The following SEC14L3 variants were observed in gnomAD, a reference collection of about 807,000 sequenced individuals.
The protein encoded by SEC14L3 is SEC14-like protein 3.
Under a neutral mutation model 57.4 loss-of-function variants are expected in SEC14L3, and 56 were observed. The ratio of observed to expected loss-of-function variants is 0.97; its 90% CI spans 0.79 to 1.22. The LOEUF (loss-of-function observed/expected upper bound fraction) is 1.22, where lower values mean the gene tolerates loss of function less well. Among genes scored for constraint, SEC14L3 ranks in the 50% most tolerant of loss-of-function variants. The pLI, the probability that SEC14L3 is intolerant of heterozygous loss-of-function variation, is 0.00. For missense variants in SEC14L3, 485 were observed against 511.7 expected (o/e 0.95, Z 0.50); for synonymous variants, 173 against 194.4 (o/e 0.89, Z 0.92).
chr22:30,462,062 G>A, intron 9 of SEC14L3, 24 bp downstream of exon 9: 1 of 1,610,672 alleles, frequency 6.2e-7, no homozygotes, highest in Non-Finnish European at 8.5e-7. Flanking sequence ...AACCTCTCTT[G>A]TCCCAGGGAA....
chr22:30,449,003 C>G, exon 13 of SEC14L3: 2 of 1,364,964 alleles, frequency 1.5e-6, no homozygotes, highest in Non-Finnish European at 2.0e-6. Flanking sequence ...CGGTCAGGAG[C>G]CCAAATGGGA....
intron 2 of SEC14L3, 27 bp downstream of exon 2, chr22:30,470,480 C>T (rs1300949322): frequency 1.9e-6 from 3 of 1,613,572 alleles, no homozygotes; most frequent in African/African-American, 2.7e-5. Context: ...GCCCCCTGAT[C>T]CCAACCTCTC....
chr22:30,461,209 G>T, intron 11 of SEC14L3, 101 bp downstream of exon 11: 1 of 1,403,644 alleles, frequency 7.1e-7, no homozygotes, highest in Non-Finnish European at 9.7e-7. Context: ...GTGTGTCCCT[G>T]AATGGGGGAG....
At chr22:30,470,638 G>A in intron 1 of SEC14L3, 56 bp from the exon 2 acceptor site, 1 of 1,611,040 alleles carries the variant, frequency 6.2e-7, no homozygotes, top group Non-Finnish European at 8.5e-7. Context: ...TTGGCCTCCA[G>A]ACTCAAAGAC....
intron 12 of SEC14L3, among the ~76,000 whole-genome samples, chr22:30,450,133 AT>A (rs1934953050): frequency 6.6e-6 from 1 of 152,044 alleles, no homozygotes; most frequent in Non-Finnish European, 1.5e-5. Flanking sequence ...TTGATGGGAA[AT>A]AAATGGGCAC....
chr22:30,468,754 C>G, intron 4 of SEC14L3, 58 bp from the exon 5 acceptor site: 1 of 1,613,486 alleles, frequency 6.2e-7, no homozygotes, highest in Middle Eastern at 1.6e-4. Flanking sequence ...AGACCCCAGA[C>G]CAGGCTGACC....
chr22:30,449,227 C>A (rs1192652298), exon 13 of SEC14L3: 1 of 1,550,508 alleles, frequency 6.4e-7, no homozygotes, highest in Admixed American at 2.0e-5. Flanking sequence ...CAAGACTTCC[C>A]AGACTCACTT....
chr22:30,470,631 G>A (rs1395662425), intron 1 of SEC14L3, 49 bp from the exon 2 acceptor site: 2 of 1,613,116 alleles, frequency 1.2e-6, no homozygotes, highest in African/African-American at 2.7e-5. Context: ...TTGAGCCTTG[G>A]CCTCCAGACT....
intron 11 of SEC14L3, among the ~76,000 whole-genome samples, chr22:30,460,694 T>TA (rs1935225189): frequency 6.6e-6 from 1 of 152,168 alleles, no homozygotes; most frequent in Admixed American, 6.5e-5. Flanking sequence ...TTAAGTGTGG[T>TA]GCACATGCCT....
At position 30,459,645 on chromosome 22, in the gene SEC14L3, A is replaced by T. The variant is rs895379951; in HGVS notation, c.*376T>A. On this transcript the variant is annotated 3_prime_UTR_variant, in exon 12 of 12. Coordinates refer to ENST00000215812, the MANE Select transcript of SEC14L3 (RefSeq NM_174975.5). The stretch of plus-strand genomic sequence containing the variant: ...CTATATATAGGGAGTGGAAGTAAAA[A>T]GGATTTAGATATGTCTCCAACCCAA... 1.4e-5 allele frequency: 14 copies of T among 1,005,420 alleles called. No homozygotes were observed. Among genetic ancestry groups the T allele is most frequent in the Non-Finnish European group, 1.7e-5 (14 of 840,952 alleles). 62.3% of individuals were successfully genotyped at this position (1,005,420 alleles called of 1,614,324 possible).
chr22:30,457,384 T>C (rs923517129), downstream of SEC14L3, among the ~76,000 whole-genome samples: 1,521 of 144,250 alleles, frequency 0.011, 53 homozygotes, highest in African/African-American at 0.026. Flanking sequence ...TGTCTTTTTT[T>C]TTTTTTTTTT....
At chr22:30,460,185 A>G in intron 11 of SEC14L3, 43 bp from the exon 12 acceptor site, 1 of 1,602,604 alleles carries the variant, frequency 6.2e-7, no homozygotes, top group Non-Finnish European at 8.5e-7. Flanking sequence ...TTGGCTTTAC[A>G]CACTCTTTTT....
chr22:30,448,952 T>G, exon 13 of SEC14L3: 1 of 786,958 alleles, frequency 1.3e-6, no homozygotes, highest in South Asian at 1.7e-5. Flanking sequence ...CCCTAGGCCC[T>G]CTGAGTATAG....
At chr22:30,451,885 G>A (rs1053179693) in intron 12 of SEC14L3, among the ~76,000 whole-genome samples, 2 of 151,356 alleles carry the variant, frequency 1.3e-5, no homozygotes, top group Non-Finnish European at 2.9e-5. Context: ...CCAGCTACTC[G>A]GGAGGCTGAG....
Position 30,463,221 on chromosome 22 carries a change from C to A in SEC14L3, c.665-1029G>T, listed in dbSNP as rs79404004. Among the ~76,000 whole-genome samples, 305 of 152,328 alleles carry A rather than the reference C, an allele frequency of 2.0e-3. 2 individuals are homozygous for A. Among genetic ancestry groups the A allele is most frequent in the African/African-American group, 7.1e-3 (294 of 41,574 alleles). On this transcript the variant is annotated intron_variant, in intron 8 of 11. Coordinates refer to ENST00000215812, the MANE Select transcript of SEC14L3 (RefSeq NM_174975.5). ...AGCCCTGGGCTTTTGGAGGGACCCT[C>A]CCCACTTCCCTCTGCCTAATCACCA...
At chr22:30,465,062 C>A (rs1441279578) in intron 7 of SEC14L3, 159 bp from the exon 8 acceptor site, 8 of 660,336 alleles carry the variant, frequency 1.2e-5, no homozygotes, top group Non-Finnish European at 1.5e-5. Context: ...ACCAGTCAAC[C>A]AGCCAACAAA....
intron 12 of SEC14L3, among the ~76,000 whole-genome samples, chr22:30,450,324 G>A (rs576400398): frequency 1.3e-5 from 2 of 151,692 alleles, no homozygotes; most frequent in East Asian, 1.9e-4. Flanking sequence ...TATTTTTTTT[G>A]AGACGGAATC....
intron 12 of SEC14L3, among the ~76,000 whole-genome samples, chr22:30,452,010 G>GA (rs1226997169): frequency 9.1e-6 from 1 of 110,018 alleles, no homozygotes; most frequent in African/African-American, 3.5e-5. Flanking sequence ...AAAAAAAAAA[G>GA]AAAAAAGAAA....
chr22:30,466,510 C>T, intron 6 of SEC14L3, 116 bp from the exon 7 acceptor site: 1 of 1,359,758 alleles, frequency 7.4e-7, no homozygotes, highest in South Asian at 1.3e-5. Flanking sequence ...TCCCTTCATG[C>T]CATCACCTCC....
Sources: gnomAD v4.1 joint callset for allele counts (sites outside exome capture counted in the v4.1 genomes callset) on GRCh38, gnomAD v4.1.1 for gene constraint, MANE v1.5 for transcripts, NCBI Gene and HGNC (gene_info 2026-07-23, HGNC 2026-07-21) for gene names.